The following CLEC4A variants were observed in gnomAD, a reference collection of about 807,000 sequenced individuals.
CLEC4A encodes C-type (calcium dependent, carbohydrate-recognition domain) lectin, superfamily member 6.
In CLEC4A, 27 loss-of-function variants were observed where a neutral mutation model predicts 32.7. The ratio of observed to expected loss-of-function variants is 0.83; its 90% confidence interval spans 0.61 to 1.14. The LOEUF is 1.14. Among genes scored for constraint, CLEC4A ranks in the 50% most tolerant of loss-of-function variants. The probability of loss-of-function intolerance (pLI) is 0.00; values close to 1 mark genes in which losing one functional copy is unlikely to be tolerated. For synonymous variants in CLEC4A, 89 were observed against 93.7 expected, an observed-to-expected ratio of 0.95 and a Z score of 0.29; for missense variants, 253 against 274.6, an observed-to-expected ratio of 0.92 and a Z score of 0.55.
the CLEC4A span, among the ~76,000 whole-genome samples, chr12:8,109,882 T>A: frequency 7.9e-5 from 12 of 152,170 alleles, no homozygotes; most frequent in South Asian, 2.5e-3. Context: ...TTTTATTGTC[T>A]TAGAAGTGAG....
the CLEC4A span, among the ~76,000 whole-genome samples, chr12:8,113,868 A>C: frequency 6.6e-6 from 1 of 152,132 alleles, no homozygotes; most frequent in Non-Finnish European, 1.5e-5. Flanking sequence ...TGCACCTTAA[A>C]ATTGTGTCCC....
At chr12:8,107,837 A>AC in the CLEC4A span, among the ~76,000 whole-genome samples, 12 of 151,368 alleles carry the variant, frequency 7.9e-5, no homozygotes, top group South Asian at 2.5e-3. Flanking sequence ...TAAAAAACAA[A>AC]CTGTGGGATT....
In CLEC4A at chr12:8,135,608, A is replaced by G. The variant is rs1948100772; in HGVS notation, c.322A>G (p.Lys108Glu). The change falls in exon 4 of 6, where the codon AAG (lysine) becomes GAG (glutamate). Residue 108 changes from lysine (K) to glutamate (E), a missense_variant. Physicochemically the swap from Lys to Glu is moderately conservative, Grantham distance 56. Coordinates refer to ENST00000229332, the MANE Select transcript of CLEC4A (RefSeq NM_016184.4). ...VEETAWSCCPKNWKSFSSNCY... is the reference protein window; with the variant it reads ...VEETAWSCCPENWKSFSSNCY... Reference sequence around the variant, plus strand: ...AGAGACAGCCTGGAGCTGTTGCCCAAAGAATTGGAAGTCATTTAGTTCCAA... The same window carrying G: ...AGAGACAGCCTGGAGCTGTTGCCCAGAGAATTGGAAGTCATTTAGTTCCAA... 1 of 1,614,184 alleles carries G rather than the reference A, an allele frequency of 6.2e-7. No individual in the cohort carries two copies. Among genetic ancestry groups the G allele is most frequent in the Non-Finnish European group, 8.5e-7 (1 of 1,180,006 alleles).
At chr12:8,129,219 C>A in intron 2 of CLEC4A, 45 bp from the exon 3 acceptor site, 1 of 1,249,768 alleles carries the variant, frequency 8.0e-7, no homozygotes, top group Non-Finnish European at 1.1e-6. Flanking sequence ...AGAGCAAAGT[C>A]ATAATGCTAC....
chr12:8,118,232 T>G, the CLEC4A span, among the ~76,000 whole-genome samples: 1 of 152,288 alleles, frequency 6.6e-6, no homozygotes, highest in East Asian at 1.9e-4. Context: ...TGATTTCTGG[T>G]CTTGTTCTTG....
chr12:8,105,854 AAT>A, the CLEC4A span, among the ~76,000 whole-genome samples: 1 of 152,074 alleles, frequency 6.6e-6, no homozygotes, highest in Non-Finnish European at 1.5e-5. Context: ...TTACTCTGTG[AAT>A]AGTTTATTTT....
the CLEC4A span, among the ~76,000 whole-genome samples, chr12:8,109,626 G>A: frequency 7.1e-4 from 108 of 152,332 alleles, 1 homozygote; most frequent in East Asian, 0.018. Context: ...TACGGTGGGA[G>A]AATCGCTTGA....
intron 5 of CLEC4A, 76 bp from the exon 6 acceptor site, chr12:8,138,064 C>G: frequency 6.8e-7 from 1 of 1,474,814 alleles, no homozygotes. Flanking sequence ...ATTCATCCCT[C>G]GCTCCTCACC....
intron 1 of CLEC4A, among the ~76,000 whole-genome samples, chr12:8,124,771 T>C (rs972596499): frequency 5.3e-5 from 8 of 152,218 alleles, no homozygotes; most frequent in Admixed American, 5.2e-4. Context: ...ATTACACAAG[T>C]ATTAATGTTC....
rs371181779 is a variant in CLEC4A at position 8,134,973 on chromosome 12, G to GTTTTTT, written c.299-607_299-606insTTTTTT. ...CATGTCTGTATCTTCTTGTTGAAGC[G>GTTTTTT]TTTTTGTTTTTTGTTTTTTTTTAAT... On this transcript the variant is annotated intron_variant, in intron 3 of 5. Transcript: ENST00000229332. 2.1e-3 allele frequency: 675 copies of GTTTTTT among 317,350 alleles called. 44 individuals are homozygous for GTTTTTT. Among genetic ancestry groups the GTTTTTT allele is most frequent in the African/African-American group, 0.014 (285 of 20,016 alleles). The allele number at this position is 317,350 out of a possible 1,614,324, so 19.7% of individuals were successfully genotyped here.
At chr12:8,130,723 G>A (rs1233821092) in intron 3 of CLEC4A, among the ~76,000 whole-genome samples, 2 of 152,130 alleles carry the variant, frequency 1.3e-5, no homozygotes, top group African/African-American at 2.4e-5. Context: ...CAGAAAAATT[G>A]AGCAGATAAT....
At chr12:8,114,578 G>A in the CLEC4A span, among the ~76,000 whole-genome samples, 1 of 152,102 alleles carries the variant, frequency 6.6e-6, no homozygotes. Flanking sequence ...AAATATTGTA[G>A]ACTCACCTTG....
At chr12:8,109,569 A>G in the CLEC4A span, among the ~76,000 whole-genome samples, 1 of 152,218 alleles carries the variant, frequency 6.6e-6, no homozygotes, top group Non-Finnish European at 1.5e-5. Context: ...TAAATTGCTT[A>G]GCTGGCCATG....
At chr12:8,117,108 G>A in the CLEC4A span, among the ~76,000 whole-genome samples, 3 of 152,050 alleles carry the variant, frequency 2.0e-5, no homozygotes, top group Non-Finnish European at 4.4e-5. Flanking sequence ...TTTTTTCCTT[G>A]GGTCAAGAAT....
chr12:8,132,820 A>G (rs1054447806), intron 3 of CLEC4A, among the ~76,000 whole-genome samples: 4 of 151,658 alleles, frequency 2.6e-5, no homozygotes, highest in African/African-American at 7.3e-5. Context: ...TGTTTGGTGT[A>G]TACACATTTG....
the CLEC4A span, among the ~76,000 whole-genome samples, chr12:8,113,015 G>A: frequency 2.6e-4 from 39 of 151,774 alleles, no homozygotes; most frequent in South Asian, 7.7e-3. Context: ...TGTGCACAAC[G>A]TGCAGGTTTG....
At chr12:8,111,963 G>GTATATA in the CLEC4A span, among the ~76,000 whole-genome samples, 1 of 142,604 alleles carries the variant, frequency 7.0e-6, no homozygotes, top group African/African-American at 2.7e-5. Flanking sequence ...GTGTGTGTGT[G>GTATATA]TATTTTATTT....
chr12:8,103,508 C>T, the CLEC4A span, among the ~76,000 whole-genome samples: 2 of 151,320 alleles, frequency 1.3e-5, no homozygotes, highest in Non-Finnish European at 2.9e-5. Context: ...GCCTCAGCCT[C>T]CCGAGTAGCT....
the CLEC4A span, among the ~76,000 whole-genome samples, chr12:8,113,215 T>C: frequency 8.1e-5 from 12 of 148,564 alleles, no homozygotes; most frequent in Non-Finnish European, 1.5e-4. Flanking sequence ...GAACATGCGG[T>C]GTTTGGTTTT....
Sources: gnomAD v4.1 joint callset for allele counts (sites outside exome capture counted in the v4.1 genomes callset) on GRCh38, gnomAD v4.1.1 for gene constraint, MANE v1.5 for transcripts, NCBI Gene and HGNC (gene_info 2026-07-23, HGNC 2026-07-21) for gene names.